FGF13: variants seen among roughly 807,000 people sequenced by gnomAD.
FGF13 encodes the protein fibroblast growth factor homologous factor 2.
A neutral mutation model predicts 19.5 loss-of-function variants in FGF13; 2 were observed. That is an observed-to-expected ratio of 0.10 (90% CI 0.04 to 0.32). The LOEUF is 0.32. Among genes scored for constraint, FGF13 ranks in the 10% least tolerant of loss-of-function variants. The pLI, the probability that FGF13 is intolerant of heterozygous loss-of-function variation, is 1.00. For synonymous variants in FGF13, 72 were observed against 76.9 expected, an observed-to-expected ratio of 0.94 and a Z score of 0.33; for missense variants, 113 against 192.7, an observed-to-expected ratio of 0.59 and a Z score of 2.45.
intron 1 of FGF13, among the ~76,000 whole-genome samples, chrX:139,195,373 A>G (rs1028448345): frequency 8.9e-6 from 1 of 112,402 alleles, no homozygotes; most frequent in African/African-American, 3.2e-5. Context: ...AGAGAATCAA[A>G]GGCAAAATAA....
chrX:139,071,757 C>T (rs1025213242), intron 1 of FGF13, among the ~76,000 whole-genome samples: 6 of 110,251 alleles, frequency 5.4e-5, no homozygotes, highest in Non-Finnish European at 9.5e-5. Context: ...GTGGCTCACC[C>T]CTGTAATCCC....
chrX:138,964,711 G>A (rs1390763930), intron 1 of FGF13, among the ~76,000 whole-genome samples: 1 of 111,621 alleles, frequency 9.0e-6, no homozygotes, highest in Non-Finnish European at 1.9e-5. Flanking sequence ...AAGGTGAAGG[G>A]AAGCTGGTGT....
intron 3 of FGF13, among the ~76,000 whole-genome samples, chrX:138,826,721 G>A (rs1282655076): frequency 8.9e-6 from 1 of 111,866 alleles, no homozygotes; most frequent in Non-Finnish European, 1.9e-5. Flanking sequence ...AATATACTTT[G>A]GAACAGCATT....
intron 1 of FGF13, among the ~76,000 whole-genome samples, chrX:138,913,355 C>T (rs943750387): frequency 3.7e-5 from 4 of 108,032 alleles, no homozygotes; most frequent in African/African-American, 1.4e-4. Flanking sequence ...TTAGTAGAGA[C>T]GGGGTTTCAC....
At chrX:138,958,384 T>C (rs1171551314) in intron 1 of FGF13, among the ~76,000 whole-genome samples, 1 of 111,679 alleles carries the variant, frequency 9.0e-6, no homozygotes, top group Non-Finnish European at 1.9e-5. Context: ...GCCAACTTGA[T>C]TGTGGTGGAT....
At chrX:138,748,552 G>T (rs2090373070) in intron 3 of FGF13, among the ~76,000 whole-genome samples, 1 of 111,972 alleles carries the variant, frequency 8.9e-6, no homozygotes, top group Admixed American at 9.5e-5. Flanking sequence ...ATCCATTTGT[G>T]TTGTTTAAGC....
At chrX:139,123,378 C>T (rs2083692181) in intron 1 of FGF13, among the ~76,000 whole-genome samples, 1 of 111,699 alleles carries the variant, frequency 9.0e-6, no homozygotes, top group Non-Finnish European at 1.9e-5. Context: ...CTCCTGCCAC[C>T]TTCCCCCTCA....
intron 3 of FGF13, among the ~76,000 whole-genome samples, chrX:138,664,241 C>A (rs1039022609): frequency 1.8e-5 from 2 of 111,807 alleles, no homozygotes; most frequent in Non-Finnish European, 3.8e-5. Context: ...ATTGCTATGG[C>A]ACAAAGCTGC....
intron 1 of FGF13, among the ~76,000 whole-genome samples, chrX:139,085,084 T>C (rs1230131779): frequency 8.9e-6 from 1 of 111,974 alleles, no homozygotes; most frequent in Non-Finnish European, 1.9e-5. Flanking sequence ...GAAGCCAGCC[T>C]AGACTAGAAA....
chrX:138,854,823 A>G (rs1198462486), downstream of FGF13, among the ~76,000 whole-genome samples: 1 of 111,858 alleles, frequency 8.9e-6, no homozygotes, highest in Non-Finnish European at 1.9e-5. Flanking sequence ...GTATGGTTTA[A>G]CCACCCTGTC....
intron 3 of FGF13, among the ~76,000 whole-genome samples, chrX:138,745,718 T>C (rs1344759866): frequency 8.9e-6 from 1 of 112,329 alleles, no homozygotes; most frequent in Non-Finnish European, 1.9e-5. Flanking sequence ...CATTCTTTTA[T>C]TCAGCAAACA....
At chrX:139,100,516 C>T (rs2083504587) in intron 1 of FGF13, among the ~76,000 whole-genome samples, 2 of 110,022 alleles carry the variant, frequency 1.8e-5, no homozygotes, top group South Asian at 7.9e-4. Flanking sequence ...AAAAGATGAT[C>T]AACTCAGGGA....
chrX:139,202,460 T>G (rs2084422440), intron 1 of FGF13, among the ~76,000 whole-genome samples: 1 of 111,869 alleles, frequency 8.9e-6, no homozygotes, highest in Admixed American at 9.4e-5. Flanking sequence ...ACAGCTGTCG[T>G]TCTACTTTCC....
chrX:139,081,370 GCTT>G (rs1213549147), intron 1 of FGF13, among the ~76,000 whole-genome samples: 2 of 111,255 alleles, frequency 1.8e-5, no homozygotes, highest in African/African-American at 6.5e-5. Context: ...CTCTATGTTG[GCTT>G]CTTCTTAACA....
chrX:138,785,060 A>G (rs998780005), intron 3 of FGF13, among the ~76,000 whole-genome samples: 5 of 112,101 alleles, frequency 4.5e-5, no homozygotes, highest in African/African-American at 1.6e-4. Context: ...ATGATGTTAC[A>G]GTGTTTTTTC....
At chrX:139,141,132 C>A (rs916008877) in intron 1 of FGF13, among the ~76,000 whole-genome samples, 10 of 108,523 alleles carry the variant, frequency 9.2e-5, no homozygotes, top group Admixed American at 5.9e-4. Context: ...CACACACACA[C>A]AATTGGCACC....
At chrX:139,086,228 C>G (rs1479491953) in intron 1 of FGF13, among the ~76,000 whole-genome samples, 1 of 111,827 alleles carries the variant, frequency 8.9e-6, no homozygotes, top group Non-Finnish European at 1.9e-5. Flanking sequence ...GTTTCAGAGG[C>G]TGACGTGCTG....
intron 3 of FGF13, among the ~76,000 whole-genome samples, chrX:138,656,402 G>C (rs776187783): frequency 8.9e-6 from 1 of 111,735 alleles, no homozygotes; most frequent in Admixed American, 9.6e-5. Context: ...ATGGCATAGC[G>C]TATGTAAATC....
intron 1 of FGF13, among the ~76,000 whole-genome samples, chrX:139,174,950 G>C (rs1355675834): frequency 1.8e-5 from 2 of 112,066 alleles, no homozygotes; most frequent in African/African-American, 6.5e-5. Flanking sequence ...GTGGTAGCTT[G>C]ATAGGGATAG....
Sources: gnomAD v4.1 joint callset for allele counts (sites outside exome capture counted in the v4.1 genomes callset) on GRCh38, gnomAD v4.1.1 for gene constraint, MANE v1.5 for transcripts, NCBI Gene and HGNC (gene_info 2026-07-23, HGNC 2026-07-21) for gene names.